The following UMAD1 variants were observed in gnomAD, a reference collection of about 807,000 sequenced individuals.
UMAD1 encodes the protein UBAP1-MVB12-associated (UMA)-domain containing protein 1.
In UMAD1, 8 loss-of-function variants were observed where a neutral mutation model predicts 6.1. That is an observed-to-expected ratio of 1.30 (90% CI 0.76 to 2.35). The LOEUF is 2.35. Ranked by LOEUF, UMAD1 falls within the 30% of genes most tolerant of loss-of-function variation. The probability of loss-of-function intolerance (pLI) is 0.00; values close to 1 mark genes in which losing one functional copy is unlikely to be tolerated. For missense variants in UMAD1, 130 were observed against 78.4 expected (o/e 1.66, Z -2.49); for synonymous variants, 56 against 31.4 (o/e 1.78, Z -2.61).
intron 2 of UMAD1, among the ~76,000 whole-genome samples, chr7:7,794,835 G>A (rs1193142358): frequency 1.3e-5 from 2 of 152,168 alleles, no homozygotes; most frequent in Admixed American, 6.5e-5. Context: ...TAGGAGAGAT[G>A]AAATGAAAGG....
intron 3 of UMAD1, among the ~76,000 whole-genome samples, chr7:7,870,558 G>T (rs1784313842): frequency 6.6e-6 from 1 of 152,170 alleles, no homozygotes; most frequent in Non-Finnish European, 1.5e-5. Flanking sequence ...GTGTCTAAGA[G>T]AAAGCTGCTT....
intron 1 of UMAD1, chr7:7,641,478 T>G (rs1784972846): frequency 6.6e-6 from 1 of 152,258 alleles, no homozygotes; most frequent in Non-Finnish European, 1.5e-5. Flanking sequence ...TGACTCTGAC[T>G]TTTGGCCATA....
intron 1 of UMAD1, among the ~76,000 whole-genome samples, chr7:7,655,706 A>G (rs1350233682): frequency 2.0e-5 from 3 of 152,238 alleles, no homozygotes; most frequent in Non-Finnish European, 2.9e-5. Flanking sequence ...CATTACATTT[A>G]GGGGACGAAT....
chr7:7,847,101 AAAAATATATATATATATATATATATATAT>A lies in UMAD1; in HGVS notation c.157-30178_157-30150del, dbSNP rs1427624947. 9.6e-3 allele frequency among the ~76,000 whole-genome samples: 308 copies of A among 32,180 alleles called. 32 individuals are homozygous for A. Among genetic ancestry groups the A allele is most frequent in the South Asian group, 0.02 (18 of 906 alleles). The allele number at this position is 32,180 out of a possible 152,430, so 21.1% of individuals were successfully genotyped here. A position where few individuals can be genotyped will look rare whatever the true frequency, so the allele number is the denominator to read the frequency against. ...AGACAGCAATGCAAAAAAAAAAAAA[AAAAATATATATATATATATATATATATAT>A]ATATATATATATATATATATATATT... On this transcript the variant is annotated intron_variant, in intron 3 of 3. Coordinates refer to ENST00000682710, the MANE Select transcript of UMAD1 (RefSeq NM_001302348.2).
At chr7:7,834,006 TTTTTC>T (rs1212684161) in intron 3 of UMAD1, among the ~76,000 whole-genome samples, 1 of 143,384 alleles carries the variant, frequency 7.0e-6, no homozygotes, top group Non-Finnish European at 1.5e-5. Context: ...CATTTCTTTC[TTTTTC>T]TTTTCTTTTT....
chr7:7,774,888 T>C (rs1782170906), intron 2 of UMAD1, among the ~76,000 whole-genome samples: 1 of 152,200 alleles, frequency 6.6e-6, no homozygotes, highest in South Asian at 2.1e-4. Context: ...TCACTTAATT[T>C]CCATCTCACT....
At chr7:7,799,032 T>G (rs1246981328) in intron 2 of UMAD1, among the ~76,000 whole-genome samples, 1 of 152,254 alleles carries the variant, frequency 6.6e-6, no homozygotes, top group East Asian at 1.9e-4. Flanking sequence ...TTAACTGATA[T>G]TTGAAAACTT....
intron 2 of UMAD1, chr7:7,685,947 G>C (rs954505031): frequency 6.6e-6 from 1 of 152,112 alleles, no homozygotes; most frequent in Admixed American, 6.6e-5. Flanking sequence ...TCTATCCCAG[G>C]TGCTCTCCTG....
Position 7,654,453 on chromosome 7 carries a change from G to T in UMAD1, c.-64+13632G>T, listed in dbSNP as rs534161202. On this transcript the variant is annotated intron_variant, in intron 1 of 3. Transcript: ENST00000682710. The stretch of plus-strand genomic sequence containing the variant: ...ACAGTTATCCTTCGGTATCCCTAGG[G>T]GATTGGTTCCAGGACTTCCTGCTGA... Among the ~76,000 whole-genome samples the T allele has an allele frequency of 2.7e-4, 41 of 152,296 alleles. 1 individual carries two copies. The South Asian group carries it at 6.2e-3, about 23-fold the overall frequency.
chr7:7,721,011 GAC>G (rs769446157), intron 2 of UMAD1, among the ~76,000 whole-genome samples: 53 of 152,168 alleles, frequency 3.5e-4, no homozygotes, highest in Admixed American at 1.4e-3. Context: ...GACACAGGGA[GAC>G]ACAGAGGAGA....
intron 2 of UMAD1, among the ~76,000 whole-genome samples, chr7:7,776,467 G>C (rs1440969597): frequency 6.6e-6 from 1 of 152,148 alleles, no homozygotes; most frequent in African/African-American, 2.4e-5. Flanking sequence ...CCAGGTTTAG[G>C]GATAGTAAAC....
At chr7:7,698,132 C>T (rs930334246) in intron 2 of UMAD1, among the ~76,000 whole-genome samples, 2 of 152,198 alleles carry the variant, frequency 1.3e-5, no homozygotes, top group Non-Finnish European at 2.9e-5. Context: ...ACTGTGCTGA[C>T]AGGCACTAAG....
chr7:7,698,903 C>T (rs548722068), intron 2 of UMAD1, among the ~76,000 whole-genome samples: 1 of 150,360 alleles, frequency 6.7e-6, no homozygotes, highest in African/African-American at 2.5e-5. Context: ...CAGTCTCACC[C>T]TGTTGCCCAG....
intron 3 of UMAD1, among the ~76,000 whole-genome samples, chr7:7,814,229 C>T (rs1489401069): frequency 2.0e-5 from 3 of 152,164 alleles, no homozygotes; most frequent in African/African-American, 4.8e-5. Flanking sequence ...TGTGATCCGC[C>T]TGCCTCAGCC....
chr7:7,713,668 GTTGT>G (rs1256781368), intron 2 of UMAD1, among the ~76,000 whole-genome samples: 1 of 151,544 alleles, frequency 6.6e-6, no homozygotes, highest in Non-Finnish European at 1.5e-5. Context: ...TTTTAAGTTG[GTTGT>G]TTGTCCTTGG....
At chr7:7,681,735 A>T (rs1484830850) in intron 2 of UMAD1, among the ~76,000 whole-genome samples, 1 of 152,140 alleles carries the variant, frequency 6.6e-6, no homozygotes, top group African/African-American at 2.4e-5. Flanking sequence ...GCATGGCACT[A>T]TTCGTAATTA....
At chr7:7,762,321 C>A (rs1053173202) in intron 2 of UMAD1, among the ~76,000 whole-genome samples, 4 of 152,148 alleles carry the variant, frequency 2.6e-5, no homozygotes, top group African/African-American at 9.7e-5. Context: ...AAAAAAAAAT[C>A]TTGACTCTTG....
In UMAD1 at chr7:7,863,097, C is replaced by T. The variant is rs985779605; in HGVS notation, c.157-14184C>T. The stretch of plus-strand genomic sequence containing the variant: ...TATGTAGGTGGCATCGACATTGTTA[C>T]GATCTGGACACAGGGGATACATACT... On this transcript the variant is annotated intron_variant, in intron 3 of 3. Transcript: ENST00000682710. Among the ~76,000 whole-genome samples the T allele has an allele frequency of 3.9e-5, 6 of 151,960 alleles. No individual in the cohort carries two copies. In the East Asian group the frequency reaches 5.8e-4, roughly 15 times the overall value.
intron 3 of UMAD1, among the ~76,000 whole-genome samples, chr7:7,853,740 A>G (rs10236866): frequency 0.016 from 2,501 of 152,236 alleles, 77 homozygotes; most frequent in African/African-American, 0.056. Context: ...AAATCATATC[A>G]TCTGTACATA....
Sources: allele counts gnomAD v4.1 joint callset (sites outside exome capture counted in the v4.1 genomes callset), GRCh38; gene constraint gnomAD v4.1.1; transcripts MANE v1.5; gene names NCBI Gene and HGNC (gene_info 2026-07-23, HGNC 2026-07-21).